Variants in MBD3 observed in about 807,000 individuals in gnomAD.
MBD3 encodes methyl-CpG-binding domain protein 3.
MBD3 carries 13 observed loss-of-function variants against 31.2 expected under a neutral mutation model. The observed-to-expected ratio is 0.42, with a 90% confidence interval of 0.27 to 0.66. MBD3 has a LOEUF of 0.66. Among genes scored for constraint, MBD3 ranks in the 30% least tolerant of loss-of-function variants. The pLI, the probability that MBD3 is intolerant of heterozygous loss-of-function variation, is 0.26. For missense variants in MBD3, 440 were observed against 426.5 expected, an observed-to-expected ratio of 1.03 and a Z score of -0.28; for synonymous variants, 223 against 187.4, an observed-to-expected ratio of 1.19 and a Z score of -1.55.
intron 5 of MBD3, 91 bp downstream of exon 5, chr19:1,581,001 A>G: frequency 2.7e-6 from 4 of 1,490,390 alleles, no homozygotes; most frequent in Non-Finnish European, 2.8e-6. Flanking sequence ...TCGTGGGGAG[A>G]CGGGAAGCAC....
intron 5 of MBD3, 142 bp downstream of exon 5, chr19:1,580,950 C>G (rs919259696): frequency 3.7e-6 from 4 of 1,073,556 alleles, no homozygotes; most frequent in Non-Finnish European, 5.6e-6. Context: ...GACGATGGGT[C>G]CCCTTGCCCT....
chr19:1,581,017 C>T, intron 5 of MBD3, 75 bp downstream of exon 5: 1 of 1,563,500 alleles, frequency 6.4e-7, no homozygotes, highest in South Asian at 1.1e-5. Context: ...AGCACGCAGG[C>T]ACACGGGGAC....
intron 3 of MBD3, 27 bp downstream of exon 3, chr19:1,584,513 G>C: frequency 6.2e-7 from 1 of 1,611,174 alleles, no homozygotes; most frequent in Non-Finnish European, 8.5e-7. Context: ...GGCCGGGAAG[G>C]CTGGGGTCGC....
intron 1 of MBD3, among the ~76,000 whole-genome samples, chr19:1,586,804 G>A (rs767473061): frequency 4.6e-5 from 7 of 150,964 alleles, no homozygotes; most frequent in Non-Finnish European, 7.4e-5. Context: ...GTAGCTGGGA[G>A]TACAGGTGCC....
At chr19:1,590,796 AC>A (rs2060700102) in intron 1 of MBD3, among the ~76,000 whole-genome samples, 1 of 152,130 alleles carries the variant, frequency 6.6e-6, no homozygotes, top group Non-Finnish European at 1.5e-5. Context: ...CTCCCCAGGC[AC>A]CCCCAACAGA....
chr19:1,583,721 AACAC>A, intron 3 of MBD3, among the ~76,000 whole-genome samples: 1 of 152,222 alleles, frequency 6.6e-6, no homozygotes, highest in East Asian at 1.9e-4. Context: ...AAATGAATAA[AACAC>A]ACACAAGGAA....
At chr19:1,581,597 T>C (rs1917355443) in intron 4 of MBD3, 1 of 401,082 alleles carries the variant, frequency 2.5e-6, no homozygotes, top group South Asian at 2.1e-5. Flanking sequence ...ATTCAAAAAT[T>C]AGCCAGGTGT....
rs1393054029 is a variant in MBD3 at position 1,584,529 on chromosome 19, G to A, written c.408+11C>T. 6.2e-7 allele frequency: 1 copy of A among 1,612,638 alleles called. No individual in the cohort carries two copies. Among genetic ancestry groups the A allele is most frequent in the Non-Finnish European group, 8.5e-7 (1 of 1,179,762 alleles). On this transcript the variant is annotated intron_variant, in intron 3 of 6. Transcript: ENST00000434436. ...GCCGGGAAGGCTGGGGTCGCTGTGC[G>A]TTGAGCTCACCTGGCGCGGCTGGTC...
Position 1,574,871 on chromosome 19 carries a change from G to A in MBD3, c.*3293C>T, listed in dbSNP as rs1915321816. ...GGCGAGTGTGTGCGGTGGTCAGAAGGGCTGTCCCTGTCTGCCTGGGTCTGG... is the reference window on the plus strand; with the variant it reads ...GGCGAGTGTGTGCGGTGGTCAGAAGAGCTGTCCCTGTCTGCCTGGGTCTGG... On this transcript the variant is annotated 3_prime_UTR_variant, in exon 7 of 7. Transcript: ENST00000434436. 1.6e-5 allele frequency: 4 copies of A among 244,312 alleles called. No homozygotes were observed. The highest frequency in any genetic ancestry group is 9.4e-5 in the African/African-American group (4 of 42,736). 15.1% of individuals were successfully genotyped at this position (244,312 alleles called of 1,614,324 possible).
chr19:1,583,360 C>CCTGGGTGA (rs1487241274), intron 3 of MBD3: 1 of 138,154 alleles, frequency 7.2e-6, no homozygotes, highest in East Asian at 2.1e-4. Flanking sequence ...TGCACTCCAG[C>CCTGGGTGA]CTGGGTGACA....
intron 1 of MBD3, among the ~76,000 whole-genome samples, chr19:1,587,632 C>G (rs936479388): frequency 2.0e-5 from 3 of 152,176 alleles, no homozygotes; most frequent in African/African-American, 7.2e-5. Context: ...CCAGGTTGGT[C>G]TCCAACTTAC....
At position 1,576,123 on chromosome 19, in the gene MBD3, G is replaced by C. The variant is rs1390297629; in HGVS notation, c.*2041C>G. The C allele has an allele frequency of 6.6e-6, 1 of 152,568 alleles. No individual in the cohort carries two copies. Among genetic ancestry groups the C allele is most frequent in the African/African-American group, 2.4e-5 (1 of 41,454 alleles). The allele number at this position is 152,568 out of a possible 1,614,324, so 9.5% of individuals were successfully genotyped here. A position where few individuals can be genotyped will look rare whatever the true frequency, so the allele number is the denominator to read the frequency against. ...ATAGAGACAGGGATAGACAGAGACA[G>C]AGAGAGACCAAGGGAGACAGGGACA... On this transcript the variant is annotated 3_prime_UTR_variant, in exon 7 of 7. Transcript: ENST00000434436.
Position 1,585,068 on chromosome 19 carries a change from G to T in MBD3, c.257C>A (p.Ser86Tyr). ...KSRQRVRYDS[S>Y]NQVKGKPDLN... ...GCCACCACTCACCTTGACCTGGTTGGAGGAGTCGTAGCGCACGCGCTGGCG... is the reference window on the plus strand; with the variant it reads ...GCCACCACTCACCTTGACCTGGTTGTAGGAGTCGTAGCGCACGCGCTGGCG... The change falls in exon 2 of 7, where the codon TCC (serine) becomes TAC (tyrosine). Residue 86 changes from serine (S) to tyrosine (Y), a missense_variant. Physicochemically the swap from Ser to Tyr is moderately radical, Grantham distance 144 (BLOSUM62 -2). Transcript: ENST00000434436. This position sits in a 1 kb window ranked among gnomAD's most constrained non-coding sequence, Gnocchi z 4.1. The T allele has an allele frequency of 6.2e-7, 1 of 1,612,096 alleles. No homozygotes were observed. Among genetic ancestry groups the T allele is most frequent in the Non-Finnish European group, 8.5e-7 (1 of 1,179,342 alleles).
chr19:1,589,378 C>T (rs2060693938), intron 1 of MBD3, among the ~76,000 whole-genome samples: 1 of 143,816 alleles, frequency 7.0e-6, no homozygotes, highest in African/African-American at 2.6e-5. Context: ...AGAAGGCAGG[C>T]GCAGTGGCTT....
chr19:1,592,535 C>G lies in MBD3; in HGVS notation c.97G>C (p.Val33Leu). ...RSGLSAGHRD[V>L]FYYSPSGKKF... The stretch of plus-strand genomic sequence containing the variant: ...GCGCTCATTCACCTATAGTAAAAGA[C>G]ATCCCTGTGGCCGGCCGACAGCCCC... Residue 33 changes from valine (V) to leucine (L), a missense_variant, in exon 1 of 7, where the codon GTC becomes CTC. Transcript: ENST00000434436. 7.0e-7 allele frequency: 1 copy of G among 1,432,314 alleles called. No homozygotes were observed. The highest frequency in any genetic ancestry group is 9.4e-7 in the Non-Finnish European group (1 of 1,069,028). 88.7% of individuals were successfully genotyped at this position (1,432,314 alleles called of 1,614,324 possible).
chr19:1,579,797 TTAAC>T (rs1917307390), intron 5 of MBD3, among the ~76,000 whole-genome samples: 2 of 152,204 alleles, frequency 1.3e-5, no homozygotes, highest in Non-Finnish European at 2.9e-5. Context: ...TTTTATTTTT[TTAAC>T]TCTGTCACCC....
chr19:1,581,270 C>A lies in MBD3; in HGVS notation c.500-1G>T. 6.2e-7 allele frequency: 1 copy of A among 1,606,280 alleles called. No individual in the cohort carries two copies. On this transcript the variant is annotated splice_acceptor_variant, in intron 4 of 6. Transcript: ENST00000434436. LOFTEE classifies it high-confidence loss of function. ...TCATCCGTGCAGCCAGGTCCCACCC[C>A]TGCCAGGCAGTGGACAAACAGCCGC...
intron 1 of MBD3, among the ~76,000 whole-genome samples, chr19:1,591,210 C>A (rs1250364222): frequency 6.6e-6 from 1 of 152,198 alleles, no homozygotes; most frequent in Non-Finnish European, 1.5e-5. Context: ...TGTGTCACTG[C>A]AGATCTCAGG....
intron 1 of MBD3, among the ~76,000 whole-genome samples, chr19:1,589,853 A>G (rs950315862): frequency 3.3e-5 from 5 of 152,072 alleles, no homozygotes; most frequent in African/African-American, 1.2e-4. Flanking sequence ...AAATGAATGA[A>G]TGAATGCAAA....
Sources: allele counts gnomAD v4.1 joint callset (sites outside exome capture counted in the v4.1 genomes callset), GRCh38; gene constraint gnomAD v4.1.1; non-coding constraint Gnocchi (gnomAD v3.1); transcripts MANE v1.5; gene names NCBI Gene and HGNC (gene_info 2026-07-23, HGNC 2026-07-21).